Variants in RAPGEF6 observed in about 807,000 individuals in gnomAD.
RAPGEF6 encodes PDZ domain containing guanine nucleotide exchange factor (GEF) 2.
Under a neutral mutation model 171.4 loss-of-function variants are expected in RAPGEF6, and 56 were observed. The observed-to-expected ratio is 0.33, with a 90% confidence interval of 0.26 to 0.41. RAPGEF6 has a LOEUF of 0.41. Among genes scored for constraint, RAPGEF6 ranks in the 10% least tolerant of loss-of-function variants. The pLI is 1.00. For synonymous variants in RAPGEF6, 692 were observed against 650.1 expected (o/e 1.06, Z -0.98); for missense variants, 1,674 against 1,921.4 (o/e 0.87, Z 2.41).
intron 1 of RAPGEF6, among the ~76,000 whole-genome samples, chr5:131,626,782 G>A (rs552627391): frequency 6.6e-6 from 1 of 151,982 alleles, no homozygotes; most frequent in Non-Finnish European, 1.5e-5. Flanking sequence ...TTATCATCTG[G>A]GTGAGGTAAC....
intron 21 of RAPGEF6, among the ~76,000 whole-genome samples, chr5:131,451,275 A>C (rs996479740): frequency 1.3e-5 from 2 of 152,118 alleles, no homozygotes; most frequent in Non-Finnish European, 2.9e-5. Flanking sequence ...CCATCAGATC[A>C]ACTACTTGCA....
chr5:131,513,661 T>A (rs1199329942), intron 7 of RAPGEF6, among the ~76,000 whole-genome samples: 2 of 152,186 alleles, frequency 1.3e-5, no homozygotes, highest in Non-Finnish European at 2.9e-5. Flanking sequence ...AGAACTTTTT[T>A]AGGAACCTTT....
intron 1 of RAPGEF6, 120 bp downstream of exon 1, chr5:131,634,842 A>T: frequency 2.6e-6 from 3 of 1,168,522 alleles, no homozygotes; most frequent in Non-Finnish European, 3.8e-6. Context: ...ACTCAAGCGA[A>T]CAGATTCCCA....
At position 131,471,215 on chromosome 5, in the gene RAPGEF6, A is replaced by C. The variant is rs191007537; in HGVS notation, c.2239+1372T>G. Among the ~76,000 whole-genome samples the C allele has an allele frequency of 5.4e-3, 823 of 152,332 alleles. 12 individuals are homozygous for C. Among genetic ancestry groups the C allele is most frequent in the South Asian group, 0.041 (200 of 4,830 alleles). On this transcript the variant is annotated intron_variant, in intron 17 of 27. Transcript: ENST00000509018. The stretch of plus-strand genomic sequence containing the variant: ...GTCTTAGGAAAGTAATGACTCATTA[A>C]ATCTTTGTTCTAAAAAGAACACTGG...
chr5:131,476,166 T>C (rs1049896935), intron 16 of RAPGEF6, among the ~76,000 whole-genome samples: 1 of 152,236 alleles, frequency 6.6e-6, no homozygotes, highest in Non-Finnish European at 1.5e-5. Flanking sequence ...TAACCAATCC[T>C]TGTAGTTGGA....
intron 26 of RAPGEF6, among the ~76,000 whole-genome samples, chr5:131,429,418 G>A (rs1751564224): frequency 2.0e-5 from 3 of 152,088 alleles, no homozygotes; most frequent in African/African-American, 4.8e-5. Flanking sequence ...ACTATATTAA[G>A]TCCTGTAAAC....
At chr5:131,562,095 T>C in intron 4 of RAPGEF6, 48 bp from the exon 5 acceptor site, 1 of 1,225,594 alleles carries the variant, frequency 8.2e-7, no homozygotes, top group Non-Finnish European at 1.1e-6. Context: ...ATTAATAAAA[T>C]ATATCAATAT....
At chr5:131,437,401 T>A (rs566567338) in intron 24 of RAPGEF6, among the ~76,000 whole-genome samples, 40 of 152,276 alleles carry the variant, frequency 2.6e-4, no homozygotes, top group African/African-American at 9.6e-4. Context: ...AAATACCAAA[T>A]CAGCTATAAT....
intron 24 of RAPGEF6, among the ~76,000 whole-genome samples, chr5:131,438,894 T>C (rs1184417523): frequency 6.6e-6 from 1 of 152,212 alleles, no homozygotes; most frequent in African/African-American, 2.4e-5. Context: ...TAATTTTTGT[T>C]TTCCTAAATC....
chr5:131,491,291 AT>A (rs377665047), intron 14 of RAPGEF6, among the ~76,000 whole-genome samples: 272 of 152,294 alleles, frequency 1.8e-3, no homozygotes, highest in African/African-American at 6.2e-3. Flanking sequence ...ATAATAAAAA[AT>A]ATCTGCAGAC....
At chr5:131,582,604 A>G (rs1271287707) in intron 4 of RAPGEF6, among the ~76,000 whole-genome samples, 1 of 152,238 alleles carries the variant, frequency 6.6e-6, no homozygotes, top group Non-Finnish European at 1.5e-5. Context: ...TAAACTTAAC[A>G]TCAAAATTAA....
chr5:131,467,549 T>C (rs562334795), intron 17 of RAPGEF6, among the ~76,000 whole-genome samples: 3 of 152,202 alleles, frequency 2.0e-5, no homozygotes, highest in East Asian at 3.8e-4. Flanking sequence ...GAAAACCACA[T>C]ACATGCCAAG....
intron 15 of RAPGEF6, 58 bp from the exon 16 acceptor site, chr5:131,479,811 C>T: frequency 6.5e-7 from 1 of 1,545,658 alleles, no homozygotes; most frequent in Non-Finnish European, 8.8e-7. Context: ...ATTTTTATAC[C>T]AACAACAAAT....
intron 3 of RAPGEF6, among the ~76,000 whole-genome samples, chr5:131,593,545 A>C (rs1763712647): frequency 6.6e-6 from 1 of 152,244 alleles, no homozygotes; most frequent in South Asian, 2.1e-4. Flanking sequence ...GATGTGGAAA[A>C]GTTTGGAACT....
chr5:131,452,890 C>T (rs1012097884), intron 21 of RAPGEF6, among the ~76,000 whole-genome samples, 164 bp downstream of exon 21: 3 of 152,106 alleles, frequency 2.0e-5, no homozygotes, highest in African/African-American at 7.2e-5. Context: ...TATCACCTAC[C>T]TGTTATGGTT....
intron 8 of RAPGEF6, 85 bp downstream of exon 8, chr5:131,510,229 A>C: frequency 1.5e-6 from 2 of 1,320,630 alleles, no homozygotes; most frequent in Non-Finnish European, 2.0e-6. Context: ...ACATTTATTA[A>C]GTTTTAGAAT....
chr5:131,625,433 ACCTCACTATCCCACTTAACTGCTG>A (rs1765852228), intron 1 of RAPGEF6, among the ~76,000 whole-genome samples: 1 of 151,996 alleles, frequency 6.6e-6, no homozygotes, highest in Non-Finnish European at 1.5e-5. Context: ...CCTCCTTAAT[ACCTCACTATCCCACTTAACTGCTG>A]CCACCACTGG....
chr5:131,596,064 GA>G (rs1474386280), intron 3 of RAPGEF6, among the ~76,000 whole-genome samples: 1 of 151,226 alleles, frequency 6.6e-6, no homozygotes, highest in African/African-American at 2.4e-5. Flanking sequence ...TGAAGCACAA[GA>G]ATCGCTTGAA....
intron 12 of RAPGEF6, among the ~76,000 whole-genome samples, chr5:131,497,693 T>C (rs1039850666): frequency 3.9e-5 from 6 of 152,244 alleles, no homozygotes; most frequent in Non-Finnish European, 7.3e-5. Flanking sequence ...CCTGTAGTTT[T>C]AGATGTTAGT....
Sources: allele counts gnomAD v4.1 joint callset (sites outside exome capture counted in the v4.1 genomes callset), GRCh38; gene constraint gnomAD v4.1.1; transcripts MANE v1.5; gene names NCBI Gene and HGNC (gene_info 2026-07-23, HGNC 2026-07-21).